NME7: variants seen among roughly 807,000 people sequenced by gnomAD.
NME7 encodes nucleoside diphosphate kinase 7.
NME7 carries 41 observed loss-of-function variants against 49.1 expected under a neutral mutation model. The ratio of observed to expected loss-of-function variants is 0.83; its 90% CI spans 0.65 to 1.08. The LOEUF is 1.08. Ranked by LOEUF, NME7 falls within the 50% of genes least tolerant of loss-of-function variation. The pLI is 0.00. For missense variants in NME7, 423 were observed against 463.4 expected (o/e 0.91, Z 0.80); for synonymous variants, 139 against 150.6 (o/e 0.92, Z 0.56).
chr1:169,134,316 G>A (rs1028007111), intron 11 of NME7, among the ~76,000 whole-genome samples: 45 of 152,090 alleles, frequency 3.0e-4, no homozygotes, highest in African/African-American at 1.0e-3. Flanking sequence ...TTTTTAATCA[G>A]TTTATTCTGA....
At chr1:169,228,913 CAT>C (rs1215516034) in intron 10 of NME7, among the ~76,000 whole-genome samples, 4 of 152,154 alleles carry the variant, frequency 2.6e-5, no homozygotes, top group Admixed American at 1.3e-4. Context: ...ATCACAACCA[CAT>C]GTGTTATTTA....
chr1:169,163,966 T>C (rs746091254), intron 11 of NME7, among the ~76,000 whole-genome samples: 19 of 151,912 alleles, frequency 1.3e-4, no homozygotes, highest in Admixed American at 3.9e-4. Context: ...AAAAATTAGC[T>C]GGGCGTGGTG....
chr1:169,320,399 T>TAGGCTCCATGGGGATCAATTTCAC (rs1651809513), intron 3 of NME7, among the ~76,000 whole-genome samples: 1 of 152,210 alleles, frequency 6.6e-6, no homozygotes, highest in Admixed American at 6.5e-5. Flanking sequence ...AATTAGCTGA[T>TAGGCTCCATGGGGATCAATTTCAC]AGGCTCCATG....
At position 169,230,582 on chromosome 1, in the gene NME7, C is replaced by T. The variant is rs561570160; in HGVS notation, c.990+136G>A. The T allele has an allele frequency of 7.8e-5, 35 of 449,644 alleles. No homozygotes were observed. The East Asian group carries it at 1.1e-3, about 15-fold the overall frequency. The allele number at this position is 449,644 out of a possible 1,614,324, so 27.9% of individuals were successfully genotyped here. A position where few individuals can be genotyped will look rare whatever the true frequency, so the allele number is the denominator to read the frequency against. On this transcript the variant is annotated intron_variant, in intron 10 of 11. Transcript: ENST00000367811. Reference sequence around the variant, plus strand: ...ATGTAAAAATAAATTTTATGAAGTGCCATTTTGAATTAAAACTTTGTATAT... The same window carrying T: ...ATGTAAAAATAAATTTTATGAAGTGTCATTTTGAATTAAAACTTTGTATAT...
chr1:169,314,574 C>A (rs1037435630), intron 3 of NME7, among the ~76,000 whole-genome samples: 1 of 151,868 alleles, frequency 6.6e-6, no homozygotes, highest in African/African-American at 2.4e-5. Context: ...AGTTACGTTA[C>A]AAATAAGTGC....
At chr1:169,140,120 T>C (rs942166287) in intron 11 of NME7, among the ~76,000 whole-genome samples, 16 of 152,152 alleles carry the variant, frequency 1.1e-4, no homozygotes, top group African/African-American at 3.9e-4. Context: ...TTAAATATTA[T>C]AAATAATTAA....
At chr1:169,289,691 T>C (rs1650418554) in intron 6 of NME7, among the ~76,000 whole-genome samples, 1 of 152,152 alleles carries the variant, frequency 6.6e-6, no homozygotes, top group Non-Finnish European at 1.5e-5. Context: ...CGCTCAATTT[T>C]TAAAAATAAA....
chr1:169,275,038 A>T (rs1351008524), intron 7 of NME7, among the ~76,000 whole-genome samples: 2 of 132,278 alleles, frequency 1.5e-5, no homozygotes, highest in East Asian at 4.0e-4. Context: ...ATGGCATTGA[A>T]TCTATAAATT....
intron 7 of NME7, among the ~76,000 whole-genome samples, chr1:169,239,803 G>A (rs1174472941): frequency 6.6e-6 from 1 of 151,972 alleles, no homozygotes; most frequent in Non-Finnish European, 1.5e-5. Flanking sequence ...GCAAAGGTAA[G>A]GAGATGTAAA....
At chr1:169,164,109 C>CAAA (rs34543492) in intron 11 of NME7, among the ~76,000 whole-genome samples, 1 of 125,250 alleles carries the variant, frequency 8.0e-6, no homozygotes, top group Non-Finnish European at 1.7e-5. Flanking sequence ...GACTCTGTCT[C>CAAA]AAAAAAAAAA....
intron 11 of NME7, among the ~76,000 whole-genome samples, chr1:169,138,236 C>T (rs376550631): frequency 3.3e-5 from 5 of 151,746 alleles, no homozygotes; most frequent in East Asian, 1.9e-4. Flanking sequence ...GCTTGAACCC[C>T]GGGGGTGGAG....
Position 169,225,306 on chromosome 1 carries a change from G to A in NME7, c.990+5412C>T, listed in dbSNP as rs559259808. Among the ~76,000 whole-genome samples the A allele has an allele frequency of 1.2e-4, 19 of 152,148 alleles. No homozygotes were observed. The South Asian group carries it at 2.9e-3, about 23-fold the overall frequency. Reference sequence around the variant, plus strand: ...ATGCTTTTAGCAGAGATGGGGTTTCGCCATGTTGGCCAGGCTGATCTTGAA... The same window carrying A: ...ATGCTTTTAGCAGAGATGGGGTTTCACCATGTTGGCCAGGCTGATCTTGAA... On this transcript the variant is annotated intron_variant, in intron 10 of 11. Coordinates refer to ENST00000367811, the MANE Select transcript of NME7 (RefSeq NM_013330.5).
chr1:169,348,220 A>G (rs1213826566), intron 1 of NME7, among the ~76,000 whole-genome samples: 1 of 152,214 alleles, frequency 6.6e-6, no homozygotes, highest in Non-Finnish European at 1.5e-5. Context: ...TGAAGAAGAT[A>G]TTAAGACAGT....
chr1:169,342,879 TATATATAC>T (rs1205874756), intron 1 of NME7, among the ~76,000 whole-genome samples: 1 of 82,422 alleles, frequency 1.2e-5, no homozygotes, highest in African/African-American at 3.8e-5. Flanking sequence ...ATATATATAG[TATATATAC>T]ATATATACAA....
chr1:169,160,849 T>C (rs1659220588), intron 11 of NME7, among the ~76,000 whole-genome samples: 1 of 152,196 alleles, frequency 6.6e-6, no homozygotes, highest in South Asian at 2.1e-4. Context: ...CACATCCAAT[T>C]AGTCTCTGAG....
At chr1:169,335,199 C>G (rs765981923) in intron 1 of NME7, among the ~76,000 whole-genome samples, 1 of 152,152 alleles carries the variant, frequency 6.6e-6, no homozygotes, top group Non-Finnish European at 1.5e-5. Context: ...CCAGTAATCC[C>G]ATTACTGGGT....
At chr1:169,220,833 A>C (rs1426038796) in intron 10 of NME7, among the ~76,000 whole-genome samples, 1 of 152,228 alleles carries the variant, frequency 6.6e-6, no homozygotes, top group Non-Finnish European at 1.5e-5. Context: ...CCTAAGAAAA[A>C]TGTTTCTTTT....
At chr1:169,355,590 G>C (rs1216562059) in intron 1 of NME7, among the ~76,000 whole-genome samples, 2 of 150,922 alleles carry the variant, frequency 1.3e-5, no homozygotes, top group African/African-American at 2.4e-5. Context: ...AACCAAGCAG[G>C]CTCCCACCTC....
intron 9 of NME7, among the ~76,000 whole-genome samples, chr1:169,233,780 G>A (rs1226542867): frequency 1.3e-5 from 2 of 152,104 alleles, no homozygotes. Flanking sequence ...TGATATTGAA[G>A]TACTGCCTAC....
Sources: allele counts gnomAD v4.1 joint callset (sites outside exome capture counted in the v4.1 genomes callset), GRCh38; gene constraint gnomAD v4.1.1; transcripts MANE v1.5; gene names NCBI Gene and HGNC (gene_info 2026-07-23, HGNC 2026-07-21).